The following KCNMB4 variants were observed in gnomAD, a reference collection of about 807,000 sequenced individuals.
The protein encoded by KCNMB4 is potassium calcium-activated channel subfamily M regulatory beta subunit 4.
A neutral mutation model predicts 20.7 loss-of-function variants in KCNMB4; 3 were observed. The observed-to-expected ratio is 0.14, with a 90% confidence interval of 0.07 to 0.37. The LOEUF (loss-of-function observed/expected upper bound fraction) is 0.37, where lower values mean the gene tolerates loss of function less well. Among genes scored for constraint, KCNMB4 ranks in the 10% least tolerant of loss-of-function variants. The pLI, the probability that KCNMB4 is intolerant of heterozygous loss-of-function variation, is 1.00. For synonymous variants in KCNMB4, 110 were observed against 113.4 expected (o/e 0.97, Z 0.19); for missense variants, 168 against 265.9 (o/e 0.63, Z 2.56).
In KCNMB4 at chr12:70,367,336, G is replaced by C. The variant is rs546044677; in HGVS notation, c.336+266G>C. ...GCCTGGTCTCAGATTTTGAGGCCTCGACCCAGTCCGGGTCCTGCGCCTACC... is the reference window on the plus strand; with the variant it reads ...GCCTGGTCTCAGATTTTGAGGCCTCCACCCAGTCCGGGTCCTGCGCCTACC... On this transcript the variant is annotated intron_variant, in intron 1 of 2. Coordinates refer to ENST00000258111, the MANE Select transcript of KCNMB4 (RefSeq NM_014505.6). 2.0e-5 allele frequency among the ~76,000 whole-genome samples: 3 copies of C among 152,232 alleles called. No homozygotes were observed. The East Asian group carries it at 5.8e-4, about 29-fold the overall frequency.
chr12:70,393,662 C>T (rs538166275), intron 1 of KCNMB4, among the ~76,000 whole-genome samples: 7 of 152,264 alleles, frequency 4.6e-5, no homozygotes, highest in African/African-American at 1.4e-4. Flanking sequence ...ATCATATCAA[C>T]ATATGATAGT....
chr12:70,415,694 T>C (rs1565865325), intron 2 of KCNMB4, among the ~76,000 whole-genome samples: 1 of 152,364 alleles, frequency 6.6e-6, no homozygotes, highest in East Asian at 1.9e-4. Flanking sequence ...TTCCTTTTTA[T>C]TTTCCCAGGC....
chr12:70,386,590 G>GTTTCTTTT (rs1565857203), intron 1 of KCNMB4, among the ~76,000 whole-genome samples: 1 of 128,370 alleles, frequency 7.8e-6, no homozygotes, highest in African/African-American at 3.4e-5. Flanking sequence ...TTGTTTGTTT[G>GTTTCTTTT]TTTGTTGTTT....
At chr12:70,413,962 G>A (rs368014957) in intron 2 of KCNMB4, among the ~76,000 whole-genome samples, 6 of 152,124 alleles carry the variant, frequency 3.9e-5, no homozygotes, top group Admixed American at 2.0e-4. Flanking sequence ...GGCTGGGTGC[G>A]GTGGCTCACA....
At chr12:70,414,113 T>TG in intron 2 of KCNMB4, among the ~76,000 whole-genome samples, 1 of 152,136 alleles carries the variant, frequency 6.6e-6, no homozygotes, top group East Asian at 1.9e-4. Flanking sequence ...ATGCCTGTAA[T>TG]CCCAGCTACT....
intron 2 of KCNMB4, among the ~76,000 whole-genome samples, chr12:70,408,777 C>T (rs983287924): frequency 1.3e-5 from 2 of 151,868 alleles, no homozygotes; most frequent in Non-Finnish European, 2.9e-5. Context: ...TTTGTTTTTA[C>T]ACTTTTTTAT....
At position 70,366,717 on chromosome 12, in the gene KCNMB4, C is replaced by A. The variant is rs372457321; in HGVS notation, c.-18C>A. 1.3e-4 allele frequency: 207 copies of A among 1,539,920 alleles called. No individual in the cohort carries two copies. The highest frequency in any genetic ancestry group is 2.7e-5 in the Non-Finnish European group (31 of 1,144,814). On this transcript the variant is annotated 5_prime_UTR_variant, in exon 1 of 3. Transcript: ENST00000258111. Reference sequence around the variant, plus strand: ...GAGGGGGCGGGGGGAGCACGCCAGCCGCCGAGAGTGGGGGGCGATGGCGAA... The same window carrying A: ...GAGGGGGCGGGGGGAGCACGCCAGCAGCCGAGAGTGGGGGGCGATGGCGAA...
intron 1 of KCNMB4, among the ~76,000 whole-genome samples, chr12:70,389,140 CATA>C (rs1422761596): frequency 1.3e-5 from 2 of 152,090 alleles, no homozygotes. Context: ...ATGATTCTAT[CATA>C]ATTTTTGGAT....
At chr12:70,420,798 C>A (rs1869029658) in intron 2 of KCNMB4, among the ~76,000 whole-genome samples, 1 of 152,262 alleles carries the variant, frequency 6.6e-6, no homozygotes, top group South Asian at 2.1e-4. Context: ...GTGGCTCACA[C>A]CTGTAATCCC....
At chr12:70,368,483 T>C (rs1250560707) in intron 1 of KCNMB4, among the ~76,000 whole-genome samples, 2 of 152,112 alleles carry the variant, frequency 1.3e-5, no homozygotes, top group African/African-American at 4.8e-5. Flanking sequence ...ATTTGGAGTA[T>C]AATGTTAAAG....
At chr12:70,393,859 AG>A (rs1868326244) in intron 1 of KCNMB4, among the ~76,000 whole-genome samples, 1 of 152,090 alleles carries the variant, frequency 6.6e-6, no homozygotes, top group Non-Finnish European at 1.5e-5. Flanking sequence ...TAGATGACTC[AG>A]TCTTTCTGGA....
chr12:70,425,539 G>A (rs556069715), intron 2 of KCNMB4, among the ~76,000 whole-genome samples: 2 of 152,288 alleles, frequency 1.3e-5, no homozygotes, highest in South Asian at 2.1e-4. Context: ...CTATGACATA[G>A]GCACCTCTTT....
intron 1 of KCNMB4, among the ~76,000 whole-genome samples, chr12:70,382,178 G>T (rs1422521680): frequency 6.6e-6 from 1 of 151,980 alleles, no homozygotes; most frequent in African/African-American, 2.4e-5. Flanking sequence ...GGGCGCGGTG[G>T]CTCACGCCTG....
At chr12:70,414,013 C>T (rs1239223812) in intron 2 of KCNMB4, among the ~76,000 whole-genome samples, 1 of 152,070 alleles carries the variant, frequency 6.6e-6, no homozygotes, top group African/African-American at 2.4e-5. Flanking sequence ...GCAGGCAGAT[C>T]ATGAGGTCAA....
At chr12:70,389,720 C>T (rs565171228) in intron 1 of KCNMB4, among the ~76,000 whole-genome samples, 4 of 152,052 alleles carry the variant, frequency 2.6e-5, no homozygotes, top group African/African-American at 7.2e-5. Context: ...ATAAAAATTT[C>T]GTGGGACACC....
At chr12:70,401,240 G>A (rs1868441291) in intron 2 of KCNMB4, among the ~76,000 whole-genome samples, 2 of 152,002 alleles carry the variant, frequency 1.3e-5, no homozygotes, top group Non-Finnish European at 2.9e-5. Flanking sequence ...TGACCAGGCT[G>A]GTATCTAACT....
intron 2 of KCNMB4, among the ~76,000 whole-genome samples, chr12:70,414,757 G>C (rs1868870741): frequency 6.6e-6 from 1 of 152,102 alleles, no homozygotes; most frequent in African/African-American, 2.4e-5. Flanking sequence ...TATTAAAGCA[G>C]GTTCCCTCCA....
intron 1 of KCNMB4, among the ~76,000 whole-genome samples, chr12:70,392,566 A>C (rs571199024): frequency 4.6e-5 from 7 of 152,284 alleles, no homozygotes; most frequent in Non-Finnish European, 8.8e-5. Context: ...CAATAGCAAA[A>C]ACTTGGAACC....
intron 2 of KCNMB4, among the ~76,000 whole-genome samples, chr12:70,410,698 CAACTAAGTTAGA>C (rs899724431): frequency 2.2e-4 from 33 of 152,220 alleles, no homozygotes; most frequent in African/African-American, 7.9e-4. Context: ...AGATTTCTAA[CAACTAAGTTAGA>C]AACAAAGTTG....
Sources: allele counts gnomAD v4.1 joint callset (sites outside exome capture counted in the v4.1 genomes callset), GRCh38; gene constraint gnomAD v4.1.1; transcripts MANE v1.5; gene names NCBI Gene and HGNC (gene_info 2026-07-23, HGNC 2026-07-21).